Variants in TET2 observed in about 807,000 individuals in gnomAD.
TET2 encodes tet methylcytosine dioxygenase 2, also known as methylcytosine dioxygenase TET2.
Under a neutral mutation model 142.9 loss-of-function variants are expected in TET2, and 299 were observed. That is an observed-to-expected ratio of 2.09 (90% confidence interval 1.90 to 2.30). The LOEUF (loss-of-function observed/expected upper bound fraction) is 2.30, where lower values mean the gene tolerates loss of function less well. Ranked by LOEUF, TET2 falls within the 30% of genes most tolerant of loss-of-function variation. The probability of loss-of-function intolerance (pLI) is 0.00; values close to 1 mark genes in which losing one functional copy is unlikely to be tolerated. For missense variants in TET2, 2,418 were observed against 2,378.0 expected (o/e 1.02, Z -0.35); for synonymous variants, 819 against 849.0 (o/e 0.96, Z 0.61).
chr4:105,236,308 A>G lies in TET2; in HGVS notation c.2366A>G (p.Asn789Ser), dbSNP rs1418330587. 1 of 1,613,952 alleles carries G rather than the reference A, an allele frequency of 6.2e-7. No individual in the cohort carries two copies. The highest frequency in any genetic ancestry group is 1.3e-5 in the African/African-American group (1 of 74,932). The stretch of plus-strand genomic sequence containing the variant: ...GTGGAAGAATGTTTTCATGGTGAAA[A>G]TCAGTATTCAAAATCAAGCGAGTTC... ...TKVEECFHGE[N>S]QYSKSSEFET... is the part of the protein sequence containing the mutation. The change falls in exon 3 of 11, where the codon AAT (asparagine) becomes AGT (serine). Residue 789 changes from asparagine (N) to serine (S), a missense_variant. Asn to Ser is a conservative substitution (Grantham distance 46). Transcript: ENST00000380013.
intron 2 of TET2, among the ~76,000 whole-genome samples, chr4:105,229,363 T>C (rs1227742071): frequency 6.6e-6 from 1 of 152,196 alleles, no homozygotes; most frequent in African/African-American, 2.4e-5. Flanking sequence ...CAGGCTGGAG[T>C]GCAGTGGCGC....
chr4:105,190,466 G>T lies in TET2; in HGVS notation c.-86G>T. 1 of 702,090 alleles carries T rather than the reference G, an allele frequency of 1.4e-6. No homozygotes were observed. Among genetic ancestry groups the T allele is most frequent in the East Asian group, 2.7e-5 (1 of 37,258 alleles). The allele number at this position is 702,090 out of a possible 1,614,324, so 43.5% of individuals were successfully genotyped here. On this transcript the variant is annotated 5_prime_UTR_variant, in exon 2 of 11. It adds an upstream start codon to the 5' untranslated region. Coordinates refer to ENST00000380013, the MANE Select transcript of TET2 (RefSeq NM_001127208.3). ...GAGATGGGCTCAGCAGCAGCCAATA[G>T]GACATGATCCAGGAAGAGCAGTAAG...
intron 10 of TET2, 32 bp downstream of exon 10, chr4:105,272,950 T>C (rs1731038191): frequency 6.8e-7 from 1 of 1,467,284 alleles, no homozygotes. Context: ...TGTAGATAAA[T>C]GTGTTGTGTG....
chr4:105,213,716 T>A (rs1225333637), intron 2 of TET2, among the ~76,000 whole-genome samples: 1 of 152,224 alleles, frequency 6.6e-6, no homozygotes, highest in Non-Finnish European at 1.5e-5. Flanking sequence ...GTCTCCATAG[T>A]TGCATGTCTG....
intron 2 of TET2, among the ~76,000 whole-genome samples, chr4:105,221,339 A>G (rs1727804664): frequency 6.6e-6 from 1 of 152,160 alleles, no homozygotes; most frequent in African/African-American, 2.4e-5. Context: ...GCAGATTTAT[A>G]CTAAACTGGC....
rs2110315881 is a variant in TET2 at position 105,276,136 on chromosome 4, G to A, written c.5626G>A (p.Ala1876Thr). Residue 1876 changes from alanine to threonine, a missense_variant, in exon 11 of 11, where the codon GCA (alanine) becomes ACA (threonine). Physicochemically the swap from Ala to Thr is moderately conservative, Grantham distance 58 (BLOSUM62 0). Coordinates refer to ENST00000380013, the MANE Select transcript of TET2 (RefSeq NM_001127208.3). ...TCATGGGTCAATTCTCATTGAGTGTGCAAAGCGTGAGCTGCATGCCACAAC... is the reference window on the plus strand; with the variant it reads ...TCATGGGTCAATTCTCATTGAGTGTACAAAGCGTGAGCTGCATGCCACAAC... ...PTHGSILIEC[A>T]KRELHATTPL... 6.4e-7 allele frequency: 1 copy of A among 1,551,648 alleles called. No homozygotes were observed. The highest frequency in any genetic ancestry group is 8.7e-7 in the Non-Finnish European group (1 of 1,146,982).
At position 105,214,293 on chromosome 4, in the gene TET2, C is replaced by T. The variant is rs550059767; in HGVS notation, c.-46-19604C>T. On this transcript the variant is annotated intron_variant, in intron 2 of 10. Transcript: ENST00000380013. ...TCCTGCCTTCCTTTCACTTGTCCCC[C>T]GAGGGAGATTTTTTTTTTTTTTTTT... Among the ~76,000 whole-genome samples, 7 of 138,100 alleles carry T rather than the reference C, an allele frequency of 5.1e-5. No homozygotes were observed. The South Asian group carries it at 9.3e-4, about 18-fold the overall frequency. The allele number at this position is 138,100 out of a possible 152,430, so 90.6% of individuals were successfully genotyped here.
At chr4:105,242,326 A>G in intron 4 of TET2, 1 of 1,077,692 alleles carries the variant, frequency 9.3e-7, no homozygotes, top group Non-Finnish European at 1.1e-6. Flanking sequence ...CTTTGGTCAT[A>G]AGGGAAGATA....
chr4:105,165,619 A>G (rs934468336), intron 1 of TET2, among the ~76,000 whole-genome samples: 16 of 152,262 alleles, frequency 1.1e-4, no homozygotes, highest in African/African-American at 3.9e-4. Flanking sequence ...ATTTCCCACA[A>G]CAATTATCAC....
At chr4:105,186,473 CTTTTTTT>C (rs1224419124) in intron 1 of TET2, among the ~76,000 whole-genome samples, 10 of 115,102 alleles carry the variant, frequency 8.7e-5, no homozygotes, top group East Asian at 2.3e-4. Flanking sequence ...TTTGCATTTT[CTTTTTTT>C]TTTTTTTTTT....
intron 6 of TET2, among the ~76,000 whole-genome samples, chr4:105,248,825 C>T (rs1729713707): frequency 6.6e-6 from 1 of 152,012 alleles, no homozygotes; most frequent in South Asian, 2.1e-4. Context: ...CCCCTTCTTC[C>T]TTCCTCTAAG....
intron 2 of TET2, among the ~76,000 whole-genome samples, chr4:105,207,913 C>T (rs1046008181): frequency 1.3e-5 from 2 of 152,242 alleles, no homozygotes; most frequent in East Asian, 3.9e-4. Flanking sequence ...GTATCCCTCA[C>T]ACCAATGGGG....
upstream of TET2, chr4:105,146,050 G>C (rs145364437): frequency 4.1e-3 from 628 of 152,492 alleles, 5 homozygotes; most frequent in Non-Finnish European, 6.2e-3. Flanking sequence ...CGCGGGCAAC[G>C]GGATCTAAAG....
intron 2 of TET2, 107 bp from the exon 3 acceptor site, chr4:105,233,790 C>A: frequency 3.2e-6 from 2 of 621,996 alleles, no homozygotes; most frequent in Non-Finnish European, 5.2e-6. Context: ...CTAGGTATTC[C>A]GATATTTATC....
chr4:105,207,996 G>A (rs1252940070), intron 2 of TET2, among the ~76,000 whole-genome samples: 1 of 152,084 alleles, frequency 6.6e-6, no homozygotes, highest in African/African-American at 2.4e-5. Context: ...AGTGCCTATG[G>A]GACATACAGG....
chr4:105,163,537 T>C (rs1409652290), intron 1 of TET2, among the ~76,000 whole-genome samples: 1 of 152,188 alleles, frequency 6.6e-6, no homozygotes, highest in Non-Finnish European at 1.5e-5. Flanking sequence ...TAAGTTCTTA[T>C]GTTGGGTTAA....
At chr4:105,176,439 G>A (rs932318348) in intron 1 of TET2, among the ~76,000 whole-genome samples, 1 of 152,068 alleles carries the variant, frequency 6.6e-6, no homozygotes, top group Non-Finnish European at 1.5e-5. Context: ...ATTATTGTAA[G>A]GTTACAGAAT....
rs557030149 is a variant in TET2, at chr4:105,262,402, T to C, written c.4044+554T>C. 3.9e-5 allele frequency among the ~76,000 whole-genome samples: 6 copies of C among 152,214 alleles called. No homozygotes were observed. The South Asian group carries it at 1.0e-3, about 26-fold the overall frequency. ...TATTTTACATGTGTATTCTAAACTA[T>C]AGCTAGTTAAGACAGGTAGATGATT... is the stretch of plus-strand genomic sequence containing the variant. On this transcript the variant is annotated intron_variant, in intron 8 of 10. Coordinates refer to ENST00000380013, the MANE Select transcript of TET2 (RefSeq NM_001127208.3).
chr4:105,240,637 C>A, intron 3 of TET2: 1 of 1,080,122 alleles, frequency 9.3e-7, no homozygotes, highest in Non-Finnish European at 1.1e-6. Flanking sequence ...AAACACCACA[C>A]ATCTCATAGA....
Sources: allele counts gnomAD v4.1 joint callset (sites outside exome capture counted in the v4.1 genomes callset), GRCh38; gene constraint gnomAD v4.1.1; transcripts MANE v1.5; gene names NCBI Gene and HGNC (gene_info 2026-07-23, HGNC 2026-07-21).